Variants in ACAD8 observed in about 807,000 individuals in gnomAD.
ACAD8 encodes the protein isobutyryl-CoA dehydrogenase, mitochondrial.
In ACAD8, 47 loss-of-function variants were observed where a neutral mutation model predicts 53.1. The ratio of observed to expected loss-of-function variants is 0.89; its 90% CI spans 0.70 to 1.13. The LOEUF is 1.13. Ranked by LOEUF, ACAD8 falls within the 50% of genes most tolerant of loss-of-function variation. The pLI is 0.00. For synonymous variants in ACAD8, 198 were observed against 201.3 expected, an observed-to-expected ratio of 0.98 and a Z score of 0.14; for missense variants, 494 against 535.0, an observed-to-expected ratio of 0.92 and a Z score of 0.76.
Position 134,265,163 on chromosome 11 carries a change from C to T in ACAD8, c.*203C>T. 1.6e-6 allele frequency: 1 copy of T among 619,432 alleles called. No homozygotes were observed. Among genetic ancestry groups the T allele is most frequent in the South Asian group, 1.9e-5 (1 of 52,790 alleles). 38.4% of individuals were successfully genotyped at this position (619,432 alleles called of 1,614,324 possible). A position where few individuals can be genotyped will look rare whatever the true frequency, so the allele number is the denominator to read the frequency against. ...CCCCAGTGGAACCGGAAGAGCTGGACTGATGAGAAACATCAGAAGAACACA... is the reference window on the plus strand; with the variant it reads ...CCCCAGTGGAACCGGAAGAGCTGGATTGATGAGAAACATCAGAAGAACACA... On this transcript the variant is annotated 3_prime_UTR_variant, in exon 11 of 11. Coordinates refer to ENST00000281182, the MANE Select transcript of ACAD8 (RefSeq NM_014384.3).
At chr11:134,259,134 C>T (rs776835091) in intron 5 of ACAD8, 50 bp downstream of exon 5, 22 of 1,531,960 alleles carry the variant, frequency 1.4e-5, no homozygotes, top group Non-Finnish European at 1.9e-5. Flanking sequence ...TCCCAGCTTC[C>T]TCCTGACATC....
intron 6 of ACAD8, chr11:134,260,011 C>T (rs1939790330): frequency 7.7e-7 from 1 of 1,296,778 alleles, no homozygotes; most frequent in Non-Finnish European, 9.9e-7. Context: ...CTGCTTTTGG[C>T]CTGTGTTCCT....
At chr11:134,257,649 G>A (rs1939622890) in intron 3 of ACAD8, 1 of 310,814 alleles carries the variant, frequency 3.2e-6, no homozygotes, top group Admixed American at 4.6e-5. Flanking sequence ...TCCAGCCTGG[G>A]CGACAGAGCG....
At chr11:134,257,533 T>C (rs1003931727) in intron 3 of ACAD8, among the ~76,000 whole-genome samples, 6 of 151,598 alleles carry the variant, frequency 4.0e-5, no homozygotes, top group African/African-American at 1.5e-4. Context: ...ATTAGCCGGG[T>C]GTGGTGGCTG....
intron 9 of ACAD8, chr11:134,262,213 T>C (rs1334673271): frequency 1.5e-6 from 1 of 646,592 alleles, no homozygotes; most frequent in East Asian, 3.1e-5. Context: ...GCATTGCCAC[T>C]AGGGGGAACC....
At chr11:134,262,458 G>A (rs1939939716) in intron 9 of ACAD8, 62 bp from the exon 10 acceptor site, 2 of 1,182,268 alleles carry the variant, frequency 1.7e-6, no homozygotes, top group Non-Finnish European at 2.5e-6. Context: ...GGGTAGGAAG[G>A]GAAGCTGCTT....
chr11:134,257,266 C>T lies in ACAD8; in HGVS notation c.380+9C>T, dbSNP rs1183650077. The T allele has an allele frequency of 3.1e-6, 5 of 1,613,822 alleles. No individual in the cohort carries two copies. The South Asian group carries it at 3.3e-5, about 11-fold the overall frequency. On this transcript the variant is annotated intron_variant, in intron 3 of 10. Transcript: ENST00000281182. Reference sequence around the variant, plus strand: ...TATATAAGCATCCACAAGTGAGTGCCCAAGCTTGGAAGGCACAATGAAGTG... The same window carrying T: ...TATATAAGCATCCACAAGTGAGTGCTCAAGCTTGGAAGGCACAATGAAGTG...
At chr11:134,259,890 A>G (rs1939783609) in intron 6 of ACAD8, 145 bp downstream of exon 6, 3 of 1,496,874 alleles carry the variant, frequency 2.0e-6, no homozygotes, top group Non-Finnish European at 2.7e-6. Flanking sequence ...TTTCAACAGG[A>G]GCATATGAAA....
At chr11:134,255,325 G>A (rs910585266) in intron 1 of ACAD8, among the ~76,000 whole-genome samples, 5 of 152,060 alleles carry the variant, frequency 3.3e-5, no homozygotes, top group South Asian at 2.1e-4. Flanking sequence ...TAGTAGAGAC[G>A]GGGTTTCACC....
intron 10 of ACAD8, chr11:134,263,876 C>T: frequency 1.3e-5 from 13 of 985,366 alleles, no homozygotes; most frequent in Non-Finnish European, 1.6e-5. Context: ...TTATTTGAGA[C>T]GATGTGACTA....
intron 10 of ACAD8, 70 bp downstream of exon 10, chr11:134,262,692 G>A: frequency 6.5e-7 from 1 of 1,540,620 alleles, no homozygotes; most frequent in Non-Finnish European, 8.8e-7. Flanking sequence ...CCCACTCTCT[G>A]TCCCCATGCC....
Position 134,259,316 on chromosome 11 carries a change from CCT to C in ACAD8, c.567+237_567+238del, listed in dbSNP as rs1330007297. ...ATCCTTTTTATACTCTCTTGGACTG[CCT>C]CTCTGATCTGCAGTCACTGCAGCGA... On this transcript the variant is annotated intron_variant, in intron 5 of 10. Coordinates refer to ENST00000281182, the MANE Select transcript of ACAD8 (RefSeq NM_014384.3). 5.9e-6 allele frequency: 4 copies of C among 673,332 alleles called. No homozygotes were observed. The African/African-American group carries it at 7.0e-5, about 12-fold the overall frequency. The allele number at this position is 673,332 out of a possible 1,614,324, so 41.7% of individuals were successfully genotyped here. A position where few individuals can be genotyped will look rare whatever the true frequency, so the allele number is the denominator to read the frequency against.
Position 134,265,083 on chromosome 11 carries a change from A to C in ACAD8, c.*123A>C. ...CCCAAGGGCTGAGCTCCTCTAGGGC[A>C]GGACCTGCACCCTGTGTGTTGGCAC... is the stretch of plus-strand genomic sequence containing the variant. On this transcript the variant is annotated 3_prime_UTR_variant, in exon 11 of 11. Transcript: ENST00000281182. The C allele has an allele frequency of 9.4e-7, 1 of 1,061,592 alleles. No homozygotes were observed. The highest frequency in any genetic ancestry group is 1.3e-5 in the South Asian group (1 of 79,158). 65.8% of individuals were successfully genotyped at this position (1,061,592 alleles called of 1,614,324 possible). A position where few individuals can be genotyped will look rare whatever the true frequency, so the allele number is the denominator to read the frequency against.
intron 10 of ACAD8, chr11:134,263,760 T>C (rs1940038102): frequency 3.0e-6 from 3 of 985,452 alleles, no homozygotes; most frequent in Non-Finnish European, 3.6e-6. Context: ...AAAACATTTA[T>C]TGTAGGCCAC....
intron 4 of ACAD8, 117 bp from the exon 5 acceptor site, chr11:134,258,891 C>A (rs1939707468): frequency 2.1e-6 from 2 of 963,464 alleles, no homozygotes; most frequent in Admixed American, 1.8e-5. Context: ...TTTGCAGTGA[C>A]ACACTCTGAG....
chr11:134,263,340 C>G, intron 10 of ACAD8: 1 of 990,502 alleles, frequency 1.0e-6, no homozygotes, highest in Non-Finnish European at 1.2e-6. Context: ...TCACAGCACC[C>G]TTCTCAAACC....
Position 134,255,869 on chromosome 11 carries a change from C to G in ACAD8, c.110-679C>G, listed in dbSNP as rs536308396. Among the ~76,000 whole-genome samples, 5 of 152,278 alleles carry G rather than the reference C, an allele frequency of 3.3e-5. No individual in the cohort carries two copies. In the East Asian group the frequency reaches 9.6e-4, roughly 29 times the overall value. ...TGTAGGCACTGAAGTAAATTATTGC[C>G]AAGTGTGGCGCCATAGTCTTCCCAT... On this transcript the variant is annotated intron_variant, in intron 1 of 10. Coordinates refer to ENST00000281182, the MANE Select transcript of ACAD8 (RefSeq NM_014384.3).
intron 1 of ACAD8, among the ~76,000 whole-genome samples, chr11:134,255,177 C>T (rs935993577): frequency 6.6e-6 from 1 of 152,152 alleles, no homozygotes; most frequent in Non-Finnish European, 1.5e-5. Flanking sequence ...CTTTCTGTTG[C>T]CCAGGCTGGA....
chr11:134,263,505 CTT>C, intron 10 of ACAD8: 1 of 985,602 alleles, frequency 1.0e-6, no homozygotes, highest in Non-Finnish European at 1.2e-6. Context: ...GAGAACCACA[CTT>C]TGAGACCCAC....
Sources: gnomAD v4.1 joint callset for allele counts (sites outside exome capture counted in the v4.1 genomes callset) on GRCh38, gnomAD v4.1.1 for gene constraint, MANE v1.5 for transcripts, NCBI Gene and HGNC (gene_info 2026-07-23, HGNC 2026-07-21) for gene names.